Variants in GRIN2B observed in about 807,000 individuals in gnomAD.
GRIN2B encodes glutamate receptor ionotropic, NMDA 2B.
GRIN2B carries 5 observed loss-of-function variants against 114.5 expected under a neutral mutation model. That is an observed-to-expected ratio of 0.04 (90% CI 0.02 to 0.09). The LOEUF (loss-of-function observed/expected upper bound fraction) is 0.09, where lower values mean the gene tolerates loss of function less well. GRIN2B is among the 10% of genes least tolerant of loss of function. The pLI, the probability that GRIN2B is intolerant of heterozygous loss-of-function variation, is 1.00. For missense variants in GRIN2B, 1,108 were observed against 1,943.5 expected, an observed-to-expected ratio of 0.57 and a Z score of 8.08; for synonymous variants, 787 against 745.1, an observed-to-expected ratio of 1.06 and a Z score of -0.92.
chr12:13,786,801 G>T (rs755700764), intron 3 of GRIN2B, among the ~76,000 whole-genome samples: 20 of 152,144 alleles, frequency 1.3e-4, no homozygotes, highest in African/African-American at 4.1e-4. Flanking sequence ...TTGTTTTGCC[G>T]CTGTGCCTGT....
chr12:13,591,398 C>T (rs534426099), intron 10 of GRIN2B, among the ~76,000 whole-genome samples: 1 of 152,310 alleles, frequency 6.6e-6, no homozygotes, highest in African/African-American at 2.4e-5. Flanking sequence ...ATTTAGCATG[C>T]TTGAGGCACT....
chr12:13,959,818 G>A (rs1378628410), intron 2 of GRIN2B, among the ~76,000 whole-genome samples: 2 of 138,846 alleles, frequency 1.4e-5, no homozygotes, highest in African/African-American at 2.8e-5. Flanking sequence ...GGGAGAACAT[G>A]CCAGGAGAGA....
At chr12:13,935,453 C>A (rs1252292305) in intron 2 of GRIN2B, among the ~76,000 whole-genome samples, 1 of 152,160 alleles carries the variant, frequency 6.6e-6, no homozygotes, top group Non-Finnish European at 1.5e-5. Flanking sequence ...ACTGAATGAT[C>A]CTCCCAGAGC....
intron 4 of GRIN2B, among the ~76,000 whole-genome samples, chr12:13,696,312 C>G (rs1018617267): frequency 6.6e-6 from 1 of 152,128 alleles, no homozygotes; most frequent in Non-Finnish European, 1.5e-5. Context: ...ACCTTGGGAG[C>G]CCTCCTATCT....
At chr12:13,658,411 A>T (rs1233094987) in intron 5 of GRIN2B, among the ~76,000 whole-genome samples, 1 of 152,164 alleles carries the variant, frequency 6.6e-6, no homozygotes, top group African/African-American at 2.4e-5. Context: ...ATAACAAAAT[A>T]TCGTTACATA....
chr12:13,695,805 G>C (rs921843888), intron 4 of GRIN2B, among the ~76,000 whole-genome samples: 2 of 152,180 alleles, frequency 1.3e-5, no homozygotes, highest in African/African-American at 4.8e-5. Context: ...ATAAAGACAA[G>C]TTAAGCGGCT....
At chr12:13,823,434 GTATTT>G (rs1026507573) in intron 3 of GRIN2B, among the ~76,000 whole-genome samples, 22 of 151,888 alleles carry the variant, frequency 1.4e-4, no homozygotes, top group African/African-American at 5.3e-4. Flanking sequence ...ACTATAAATA[GTATTT>G]TATTTAAATT....
rs540384212 is a variant in GRIN2B at position 13,610,960 on chromosome 12, GA to G, written c.1780+764del. 2.5e-4 allele frequency among the ~76,000 whole-genome samples: 38 copies of G among 152,294 alleles called. 1 individual carries two copies. The East Asian group carries it at 7.1e-3, about 29-fold the overall frequency. On this transcript the variant is annotated intron_variant, in intron 9 of 13. Transcript: ENST00000609686. ...GATAGAGCTCACATTCTGGAATGGA[GA>G]AGACTCAGAGAAGGCAGAATATTTC...
At chr12:13,621,888 T>C (rs1949521610) in intron 5 of GRIN2B, among the ~76,000 whole-genome samples, 2 of 152,216 alleles carry the variant, frequency 1.3e-5, no homozygotes, top group African/African-American at 4.8e-5. Flanking sequence ...TTGGCACCAA[T>C]TAGCACCCTG....
At chr12:13,852,409 T>C (rs140093200) in intron 3 of GRIN2B, among the ~76,000 whole-genome samples, 76 of 152,300 alleles carry the variant, frequency 5.0e-4, no homozygotes, top group Admixed American at 8.5e-4. Flanking sequence ...TTATAATGTA[T>C]CTAACTTCCT....
intron 3 of GRIN2B, among the ~76,000 whole-genome samples, chr12:13,799,790 G>T (rs556817129): frequency 6.6e-6 from 1 of 152,030 alleles, no homozygotes; most frequent in Non-Finnish European, 1.5e-5. Context: ...TCAAAAGATG[G>T]CAGGGGGTAC....
At chr12:13,724,278 G>A (rs949960044) in intron 4 of GRIN2B, among the ~76,000 whole-genome samples, 3 of 152,130 alleles carry the variant, frequency 2.0e-5, no homozygotes, top group Non-Finnish European at 4.4e-5. Flanking sequence ...TATCTAGGAG[G>A]AAATAGTTTA....
chr12:13,714,588 T>C (rs1950439870), intron 4 of GRIN2B, among the ~76,000 whole-genome samples: 1 of 151,892 alleles, frequency 6.6e-6, no homozygotes, highest in Non-Finnish European at 1.5e-5. Context: ...AGAACTCTGA[T>C]AAATTATATT....
intron 5 of GRIN2B, among the ~76,000 whole-genome samples, chr12:13,656,173 T>C (rs1213960053): frequency 2.0e-5 from 3 of 152,198 alleles, no homozygotes; most frequent in Non-Finnish European, 4.4e-5. Flanking sequence ...AGCATGAACA[T>C]ATGATTCAGT....
In GRIN2B at chr12:13,564,069, G is replaced by A. The variant is rs761084398; in HGVS notation, c.3169C>T (p.Arg1057Cys). Residue 1057 changes from arginine to cysteine, a missense_variant, in exon 14 of 14, where the codon CGC becomes TGC. Arg to Cys is a radical substitution (Grantham distance 180). This residue lies in a region of GRIN2B where 19 missense variants were observed against 62.0 expected (regional missense o/e 0.31). Transcript: ENST00000609686. The surrounding 1 kb of genome is among the most constrained non-coding windows in gnomAD (Gnocchi z 4.8). ...DRYSGHDDLI[R>C]SDVSDISTHT... is the part of the protein sequence containing the mutation. ...GTTGAGATGTCAGAGACATCGGAGC[G>A]GATCAAGTCGTCGTGGCCACTGTAG... 6.2e-6 allele frequency: 10 copies of A among 1,614,086 alleles called. No homozygotes were observed. The highest frequency in any genetic ancestry group is 8.5e-6 in the Non-Finnish European group (10 of 1,180,026).
In GRIN2B at chr12:13,753,239, G is replaced by A. The variant is rs1863516201; in HGVS notation, c.1010+78C>T. 6 of 893,634 alleles carry A rather than the reference G, an allele frequency of 6.7e-6. No individual in the cohort carries two copies. In the South Asian group the frequency reaches 7.8e-5, roughly 12 times the overall value. 55.4% of individuals were successfully genotyped at this position (893,634 alleles called of 1,614,324 possible). ...ACCGTCTTGAACTGTTCTTCCTGCA[G>A]TTTCTGAACTTCCAACCCCAGTCTT... On this transcript the variant is annotated intron_variant, in intron 4 of 13. Transcript: ENST00000609686. This position sits in a 1 kb window ranked among gnomAD's most constrained non-coding sequence, Gnocchi z 6.2.
intron 3 of GRIN2B, among the ~76,000 whole-genome samples, chr12:13,800,264 T>G (rs1433735506): frequency 6.6e-6 from 1 of 152,138 alleles, no homozygotes; most frequent in Non-Finnish European, 1.5e-5. Flanking sequence ...AGTTTGGGCA[T>G]AGTGTTTCTT....
chr12:13,625,615 T>A (rs1228694708), intron 5 of GRIN2B, among the ~76,000 whole-genome samples: 1 of 152,178 alleles, frequency 6.6e-6, no homozygotes, highest in African/African-American at 2.4e-5. Flanking sequence ...CCCAGAAACA[T>A]AATTTTTTGT....
intron 5 of GRIN2B, among the ~76,000 whole-genome samples, chr12:13,645,673 C>CTA (rs1565487445): frequency 6.7e-6 from 1 of 148,882 alleles, no homozygotes; most frequent in East Asian, 2.0e-4. Flanking sequence ...CCTCCTCTTC[C>CTA]TTTTTTTTTT....
Sources: allele counts gnomAD v4.1 joint callset (sites outside exome capture counted in the v4.1 genomes callset), GRCh38; gene constraint gnomAD v4.1.1; regional missense constraint gnomAD v4.1.1; non-coding constraint Gnocchi (gnomAD v3.1); transcripts MANE v1.5; gene names NCBI Gene and HGNC (gene_info 2026-07-23, HGNC 2026-07-21).